ASIC2: variants seen among roughly 807,000 people sequenced by gnomAD.
ASIC2 encodes the protein acid sensing ion channel subunit 2.
A neutral mutation model predicts 57.3 loss-of-function variants in ASIC2; 25 were observed. That is an observed-to-expected ratio of 0.44 (90% confidence interval 0.32 to 0.61). ASIC2 has a LOEUF of 0.61. Among genes scored for constraint, ASIC2 ranks in the 20% least tolerant of loss-of-function variants. The pLI is 0.06. For synonymous variants in ASIC2, 319 were observed against 307.5 expected, an observed-to-expected ratio of 1.04 and a Z score of -0.39; for missense variants, 641 against 738.1, an observed-to-expected ratio of 0.87 and a Z score of 1.52.
At chr17:33,157,498 A>G (rs550307244) in intron 1 of ASIC2, among the ~76,000 whole-genome samples, 1 of 152,188 alleles carries the variant, frequency 6.6e-6, no homozygotes, top group South Asian at 2.1e-4. Flanking sequence ...CCTTCCTTAC[A>G]TCAGTAAATA....
intron 1 of ASIC2, among the ~76,000 whole-genome samples, chr17:33,328,172 G>C (rs1907154600): frequency 1.3e-5 from 2 of 152,126 alleles, no homozygotes; most frequent in Admixed American, 1.3e-4. Context: ...AATAAGTGCT[G>C]ATGGTGACTG....
chr17:33,291,539 G>C lies in ASIC2; in HGVS notation c.577C>G (p.Leu193Val), dbSNP rs1424813504. 3.8e-5 allele frequency: 62 copies of C among 1,612,202 alleles called. No homozygotes were observed. Among genetic ancestry groups the C allele is most frequent in the Non-Finnish European group, 4.6e-5 (54 of 1,179,646 alleles). Reference protein sequence around the residue: ...QWFRKLADFRLFLPPRHFEGI... With the variant: ...QWFRKLADFRVFLPPRHFEGI... Reference sequence around the variant, plus strand: ...TCGAAGTGGCGCGGAGGCAGGAAGAGGCGGAAGTCCGCCAGCTTGCGGAAC... The same window carrying C: ...TCGAAGTGGCGCGGAGGCAGGAAGACGCGGAAGTCCGCCAGCTTGCGGAAC... The change falls in exon 1 of 10, where the codon CTC becomes GTC. Residue 193 changes from leucine to valine, a missense_variant. Leu to Val is a conservative substitution (Grantham distance 32). This residue lies in a region of ASIC2 where 382 missense variants were observed against 398.0 expected (regional missense o/e 0.96). Coordinates refer to ENST00000225823, the MANE Select transcript of ASIC2 (RefSeq NM_183377.2).
chr17:33,725,709 T>G (rs2142086801), intron 1 of ASIC2, among the ~76,000 whole-genome samples: 1 of 142,984 alleles, frequency 7.0e-6, no homozygotes, highest in East Asian at 2.0e-4. Context: ...TGCATCGCAT[T>G]ACTATTAAGA....
intron 1 of ASIC2, among the ~76,000 whole-genome samples, chr17:33,418,020 A>ATGTG (rs1393294975): frequency 3.7e-4 from 44 of 117,644 alleles, no homozygotes; most frequent in African/African-American, 1.6e-3. Flanking sequence ...GGCTCTCAGC[A>ATGTG]TGTATGTATG....
chr17:33,951,726 G>A (rs1904576694), intron 1 of ASIC2, among the ~76,000 whole-genome samples: 1 of 151,452 alleles, frequency 6.6e-6, no homozygotes, highest in Admixed American at 6.6e-5. Context: ...GGGACTACAG[G>A]CGTGTGCCAC....
At chr17:34,079,298 T>C (rs942764503) in intron 1 of ASIC2, among the ~76,000 whole-genome samples, 1 of 152,140 alleles carries the variant, frequency 6.6e-6, no homozygotes, top group African/African-American at 2.4e-5. Flanking sequence ...ATGAAGCCCA[T>C]GCAATTTTCA....
chr17:33,506,652 T>C (rs897720372), intron 1 of ASIC2, among the ~76,000 whole-genome samples: 1 of 152,086 alleles, frequency 6.6e-6, no homozygotes, highest in East Asian at 1.9e-4. Flanking sequence ...TAGAATCAGG[T>C]TTATTGAAAA....
At chr17:34,142,226 C>G (rs868795639) in intron 1 of ASIC2, among the ~76,000 whole-genome samples, 1 of 152,132 alleles carries the variant, frequency 6.6e-6, no homozygotes, top group East Asian at 1.9e-4. Flanking sequence ...AGTGGGCATG[C>G]TGGAGACCCT....
At chr17:34,128,532 C>T (rs1428372594) in intron 1 of ASIC2, among the ~76,000 whole-genome samples, 3 of 152,094 alleles carry the variant, frequency 2.0e-5, no homozygotes, top group South Asian at 4.1e-4. Flanking sequence ...TGAGGGATGT[C>T]ACTTAACTTC....
chr17:33,536,872 A>G (rs553913154), intron 1 of ASIC2, among the ~76,000 whole-genome samples: 22 of 152,034 alleles, frequency 1.4e-4, no homozygotes, highest in African/African-American at 5.1e-4. Context: ...GGTAGCACTC[A>G]CCTGTAGTTC....
intron 1 of ASIC2, among the ~76,000 whole-genome samples, chr17:33,425,031 A>G (rs76914644): frequency 0.093 from 14,129 of 152,344 alleles, 809 homozygotes; most frequent in South Asian, 0.14. Context: ...AATAATTTAC[A>G]CACATTATTC....
Position 33,989,660 on chromosome 17 carries a change from C to T in ASIC2, c.555+166318G>A, listed in dbSNP as rs547790610. 1.1e-3 allele frequency among the ~76,000 whole-genome samples: 161 copies of T among 152,202 alleles called. 1 individual carries two copies. Among genetic ancestry groups the T allele is most frequent in the Non-Finnish European group, 8.5e-4 (58 of 68,018 alleles). ...TTTTGAGGATTAGATAAGAATAGCA[C>T]AATTAAAATCCCTAGCCCATTACCA... On this transcript the variant is annotated intron_variant, in intron 1 of 9. Transcript: ENST00000359872.
intron 1 of ASIC2, among the ~76,000 whole-genome samples, chr17:33,911,758 T>G (rs1396143582): frequency 1.3e-5 from 2 of 152,190 alleles, no homozygotes; most frequent in Non-Finnish European, 2.9e-5. Context: ...CTTAATGTAT[T>G]CTCAAGCTAG....
intron 1 of ASIC2, among the ~76,000 whole-genome samples, chr17:34,073,924 C>T (rs763790286): frequency 7.2e-5 from 11 of 152,136 alleles, no homozygotes; most frequent in Admixed American, 1.3e-4. Flanking sequence ...GAAGAACAGG[C>T]CTCCTTCTGC....
At chr17:33,452,118 A>C (rs1342108046) in intron 1 of ASIC2, among the ~76,000 whole-genome samples, 1 of 152,242 alleles carries the variant, frequency 6.6e-6, no homozygotes, top group Non-Finnish European at 1.5e-5. Flanking sequence ...ATTAAAAGCA[A>C]AAAAGCACTG....
intron 1 of ASIC2, among the ~76,000 whole-genome samples, chr17:33,512,591 A>C (rs1914459866): frequency 6.6e-6 from 1 of 152,208 alleles, no homozygotes; most frequent in African/African-American, 2.4e-5. Flanking sequence ...AATCCACCAG[A>C]TTTAAAAAGA....
At chr17:33,471,804 A>G (rs1283313387) in intron 1 of ASIC2, among the ~76,000 whole-genome samples, 1 of 152,232 alleles carries the variant, frequency 6.6e-6, no homozygotes, top group East Asian at 1.9e-4. Context: ...TAGTATTAAT[A>G]ACAAATATCT....
intron 1 of ASIC2, among the ~76,000 whole-genome samples, chr17:34,148,122 C>T (rs1213137319): frequency 6.6e-6 from 1 of 152,172 alleles, no homozygotes; most frequent in Non-Finnish European, 1.5e-5. Flanking sequence ...AATAAGCTTC[C>T]AGGTAGCCTT....
chr17:33,754,742 G>A (rs568411085), intron 1 of ASIC2, among the ~76,000 whole-genome samples: 1 of 152,006 alleles, frequency 6.6e-6, no homozygotes, highest in Admixed American at 6.5e-5. Context: ...AGATCACGAG[G>A]TCAGGAGATC....
Sources: gnomAD v4.1 joint callset for allele counts (sites outside exome capture counted in the v4.1 genomes callset) on GRCh38, gnomAD v4.1.1 for gene constraint, gnomAD v4.1.1 regional missense constraint, MANE v1.5 for transcripts, NCBI Gene and HGNC (gene_info 2026-07-23, HGNC 2026-07-21) for gene names.